The following NOBOX variants were observed in gnomAD, a reference collection of about 807,000 sequenced individuals.
NOBOX encodes the protein NOBOX oogenesis homeobox.
Under a neutral mutation model 60.2 loss-of-function variants are expected in NOBOX, and 46 were observed. That is an observed-to-expected ratio of 0.76 (90% CI 0.60 to 0.98). The LOEUF is 0.98. NOBOX is among the 50% of genes least tolerant of loss of function. The probability of loss-of-function intolerance (pLI) is 0.00; values close to 1 mark genes in which losing one functional copy is unlikely to be tolerated. For missense variants in NOBOX, 880 were observed against 865.5 expected, an observed-to-expected ratio of 1.02 and a Z score of -0.21; for synonymous variants, 360 against 346.3, an observed-to-expected ratio of 1.04 and a Z score of -0.44.
In NOBOX at chr7:144,399,877, G is replaced by C; in HGVS notation, c.1048-14C>G. Reference sequence around the variant, plus strand: ...CTGGAACCACACCTATGGGGGGAAAGGTGCTTGAAGAACTGGAGAAGAGGG... The same window carrying C: ...CTGGAACCACACCTATGGGGGGAAACGTGCTTGAAGAACTGGAGAAGAGGG... On this transcript the variant is annotated splice_polypyrimidine_tract_variant and intron_variant, in intron 5 of 9. Coordinates refer to ENST00000467773, the MANE Select transcript of NOBOX (RefSeq NM_001080413.3). 2 of 1,596,082 alleles carry C rather than the reference G, an allele frequency of 1.3e-6. No individual in the cohort carries two copies. Among genetic ancestry groups the C allele is most frequent in the Non-Finnish European group, 1.7e-6 (2 of 1,165,482 alleles).
intron 1 of NOBOX, among the ~76,000 whole-genome samples, chr7:144,406,564 G>GAAAA (rs11393583): frequency 6.7e-6 from 1 of 149,350 alleles, no homozygotes; most frequent in African/African-American, 2.5e-5. Flanking sequence ...TCTCAAAAAA[G>GAAAA]AAAAAAAAAA....
chr7:144,408,818 C>T (rs763774906), intron 1 of NOBOX, among the ~76,000 whole-genome samples: 7 of 152,124 alleles, frequency 4.6e-5, no homozygotes, highest in Non-Finnish European at 8.8e-5. Flanking sequence ...AGTTCAAAAG[C>T]GTAGTAGCAG....
At chr7:144,399,908 G>A (rs769939912) in intron 5 of NOBOX, 45 bp from the exon 4 acceptor site, 1 of 1,503,236 alleles carries the variant, frequency 6.7e-7, no homozygotes, top group African/African-American at 1.4e-5. Flanking sequence ...GAGGGGCAGA[G>A]ACTGAGGCTT....
chr7:144,402,385 G>T, intron 2 of NOBOX, among the ~76,000 whole-genome samples: 1 of 152,256 alleles, frequency 6.6e-6, no homozygotes, highest in South Asian at 2.1e-4. Flanking sequence ...CAGGCATGGC[G>T]CTAAGCACCT....
rs1253424810 is a variant in NOBOX, at chr7:144,398,603, ACAG to A, written c.1470-20_1470-18del. On this transcript the variant is annotated intron_variant, in intron 8 of 9. Coordinates refer to ENST00000467773, the MANE Select transcript of NOBOX (RefSeq NM_001080413.3). Reference sequence around the variant, plus strand: ...AGGGTGATGCTGCAAGGACAGAGGAACAGCTGGTGAGGTGCAGGGGTGGGGGAG... The same window carrying A: ...AGGGTGATGCTGCAAGGACAGAGGAACTGGTGAGGTGCAGGGGTGGGGGAG... The A allele has an allele frequency of 6.5e-7, 1 of 1,528,054 alleles. No individual in the cohort carries two copies. Among genetic ancestry groups the A allele is most frequent in the Non-Finnish European group, 8.8e-7 (1 of 1,140,988 alleles). The allele number at this position is 1,528,054 out of a possible 1,614,324, so 94.7% of individuals were successfully genotyped here.
chr7:144,398,122 C>A (rs1302012189), intron 9 of NOBOX, among the ~76,000 whole-genome samples, 160 bp downstream of exon 7: 1 of 152,172 alleles, frequency 6.6e-6, no homozygotes, highest in African/African-American at 2.4e-5. Context: ...GCAGCCTCTG[C>A]AGAATTCGAG....
Position 144,409,634 on chromosome 7 carries a change from A to C in NOBOX, c.85+509T>G, listed in dbSNP as rs540619960. ...CTGTTGGAGCAATCTTTTGAACTTA[A>C]ATATTATACGTTTTAAAAAATTAAA... On this transcript the variant is annotated intron_variant, in intron 1 of 9. Coordinates refer to ENST00000467773, the MANE Select transcript of NOBOX (RefSeq NM_001080413.3). Among the ~76,000 whole-genome samples the C allele has an allele frequency of 4.6e-5, 7 of 152,362 alleles. No individual in the cohort carries two copies. The South Asian group carries it at 1.5e-3, about 32-fold the overall frequency.
intron 2 of NOBOX, chr7:144,404,413 A>G: frequency 1.5e-6 from 1 of 689,194 alleles, no homozygotes; most frequent in Non-Finnish European, 2.4e-6. Context: ...ACGCCCGGCT[A>G]ATTTTTTGTA....
intron 8 of NOBOX, 141 bp from the exon 7 acceptor site, chr7:144,398,727 T>C: frequency 1.5e-6 from 1 of 669,656 alleles, no homozygotes; most frequent in Non-Finnish European, 2.6e-6. Context: ...CAGCTGCCTC[T>C]TCTCCCCACT....
rs2053917642 is a variant in NOBOX at position 144,399,120 on chromosome 7, A to G, written c.1299T>C (p.Gly433=). 2 of 1,551,124 alleles carry G rather than the reference A, an allele frequency of 1.3e-6. No individual in the cohort carries two copies. The highest frequency in any genetic ancestry group is 1.8e-6 in the Non-Finnish European group (2 of 1,128,000). The change falls in exon 8 of 10, where the codon GGT becomes GGC. Residue 433 remains glycine, a synonymous_variant. Coordinates refer to ENST00000467773, the MANE Select transcript of NOBOX (RefSeq NM_001080413.3). The stretch of plus-strand genomic sequence containing the variant: ...GTGGGGGGGTCACCACCCTCTGAGC[A>G]CCCTCACTGGGTTGGGTGGGGGCCA...
At position 144,397,507 on chromosome 7, in the gene NOBOX, C is replaced by A. The variant is rs758227327; in HGVS notation, c.1809G>T (p.Glu603Asp). 6.5e-7 allele frequency: 1 copy of A among 1,535,544 alleles called. No individual in the cohort carries two copies. ...GGCAGAACGGACCAGGGAAGGGCAGCTCTGGCAAACAGGGGTCACTCCAGG... is the reference window on the plus strand; with the variant it reads ...GGCAGAACGGACCAGGGAAGGGCAGATCTGGCAAACAGGGGTCACTCCAGG... The change falls in exon 10 of 10, where the codon GAG (glutamate) becomes GAT (aspartate). Residue 603 changes from glutamate to aspartate, a missense_variant. By Grantham distance (45) the Glu-to-Asp change is conservative. Coordinates refer to ENST00000467773, the MANE Select transcript of NOBOX (RefSeq NM_001080413.3).
At chr7:144,403,107 G>A (rs1196957559) in intron 2 of NOBOX, among the ~76,000 whole-genome samples, 2 of 152,154 alleles carry the variant, frequency 1.3e-5, no homozygotes, top group Non-Finnish European at 2.9e-5. Context: ...ATGGTCAAGG[G>A]TGCTGTTCCA....
Position 144,398,385 on chromosome 7 carries a change from A to G in NOBOX, c.1671T>C (p.Ser557=), listed in dbSNP as rs1417536471. The G allele has an allele frequency of 2.3e-5, 35 of 1,537,052 alleles. No individual in the cohort carries two copies. The highest frequency in any genetic ancestry group is 3.1e-5 in the Non-Finnish European group (35 of 1,146,878). Residue 557 remains serine, a synonymous_variant, in exon 9 of 10, where the codon TCT becomes TCC. Transcript: ENST00000467773. ...TGGGGCCACAGGGAAACATAAAGAGAGAGTCTTCGGGCGGTGGAAGCGTCA... is the reference window on the plus strand; with the variant it reads ...TGGGGCCACAGGGAAACATAAAGAGGGAGTCTTCGGGCGGTGGAAGCGTCA...
At chr7:144,405,161 A>G (rs2053976691) in intron 1 of NOBOX, among the ~76,000 whole-genome samples, 1 of 152,242 alleles carries the variant, frequency 6.6e-6, no homozygotes, top group African/African-American at 2.4e-5. Flanking sequence ...GACTTCAGGC[A>G]TCTGCTGTTT....
At chr7:144,397,206 C>T (rs1563126516), downstream of NOBOX, 16 of 1,499,698 alleles carry the variant, frequency 1.1e-5, no homozygotes, top group African/African-American at 1.4e-5. Flanking sequence ...CCTATCCCAC[C>T]CAAGCAGCCT....
rs376598018 is a variant in NOBOX at position 144,401,148 on chromosome 7, G to A, written c.742C>T (p.Leu248Phe). Residue 248 changes from leucine to phenylalanine, a missense_variant, in exon 4 of 10, where the codon CTC becomes TTC. By Grantham distance (22) the Leu-to-Phe change is conservative (BLOSUM62 0). Transcript: ENST00000467773. This position sits in a 1 kb window ranked among gnomAD's most constrained non-coding sequence, Gnocchi z 4.2. ...TGGTTGCTCTGCGCCAATGTACTGA[G>A]GAGATTGGCCAGGTGGCAGGGCCCC... 5.0e-6 allele frequency: 8 copies of A among 1,610,482 alleles called. No individual in the cohort carries two copies. The African/African-American group carries it at 1.1e-4, about 22-fold the overall frequency.
chr7:144,399,804 T>C lies in NOBOX; in HGVS notation c.1107A>G (p.Glu369=). ...CAGGGGCTGCAGGATTGTCCTTGCT[T>C]TCTTTCCCATTCAGTTTCTCCATTT... Residue 369 remains glutamate, a synonymous_variant, in exon 6 of 10, where the codon GAA becomes GAG. Coordinates refer to ENST00000467773, the MANE Select transcript of NOBOX (RefSeq NM_001080413.3). 2 of 1,612,978 alleles carry C rather than the reference T, an allele frequency of 1.2e-6. No individual in the cohort carries two copies. The highest frequency in any genetic ancestry group is 1.7e-6 in the Non-Finnish European group (2 of 1,179,214).
chr7:144,402,179 C>T (rs1411047117), intron 2 of NOBOX, among the ~76,000 whole-genome samples: 3 of 142,772 alleles, frequency 2.1e-5, no homozygotes, highest in African/African-American at 7.8e-5. Context: ...CCCCCCCGCC[C>T]GCACCCCCCA....
intron 1 of NOBOX, among the ~76,000 whole-genome samples, chr7:144,405,312 TCATTTGATGGTGAAAAATCAGGAC>T (rs2053977853): frequency 1.3e-5 from 2 of 152,064 alleles, no homozygotes; most frequent in African/African-American, 4.8e-5. Context: ...GCTTCCAGGA[TCATTTGATGGTGAAAAATCAGGAC>T]CATTTGGTGG....
Sources: allele counts gnomAD v4.1 joint callset (sites outside exome capture counted in the v4.1 genomes callset), GRCh38; gene constraint gnomAD v4.1.1; non-coding constraint Gnocchi (gnomAD v3.1); transcripts MANE v1.5; gene names NCBI Gene and HGNC (gene_info 2026-07-23, HGNC 2026-07-21).